The following SNX27 variants were observed in gnomAD, a reference collection of about 807,000 sequenced individuals.
SNX27 encodes sorting nexin-27.
SNX27 carries 22 observed loss-of-function variants against 71.6 expected under a neutral mutation model. The observed-to-expected ratio is 0.31, with a 90% CI of 0.22 to 0.44. The LOEUF (loss-of-function observed/expected upper bound fraction) is 0.44. Ranked by LOEUF, SNX27 falls within the 20% of genes least tolerant of loss-of-function variation. The pLI is 1.00. For missense variants in SNX27, 531 were observed against 698.6 expected (o/e 0.76, Z 2.70); for synonymous variants, 269 against 277.2 (o/e 0.97, Z 0.29).
rs1384108881 is a variant in SNX27 at position 151,662,151 on chromosome 1, T to C, written c.802-15T>C. On this transcript the variant is annotated splice_polypyrimidine_tract_variant and intron_variant, in intron 4 of 11. Transcript: ENST00000458013. The stretch of plus-strand genomic sequence containing the variant: ...TACTGGGCCATAAATTATTTCTCTA[T>C]GTCTTTTCCCCCAGAACTACAATGG... The C allele has an allele frequency of 1.1e-5, 17 of 1,590,890 alleles. No individual in the cohort carries two copies. Among genetic ancestry groups the C allele is most frequent in the African/African-American group, 1.3e-5 (1 of 74,366 alleles).
chr1:151,668,676 A>G lies in SNX27; in HGVS notation c.1149+41A>G, dbSNP rs372666102. On this transcript the variant is annotated intron_variant, in intron 7 of 11. Transcript: ENST00000458013. ...TTCTTGAAAGGCACAATTTCTTTTT[A>G]TGTTTGAATATAGTTGGTACTTTGC... 3.2e-5 allele frequency: 51 copies of G among 1,582,672 alleles called. No homozygotes were observed. In the Admixed American group the frequency reaches 5.0e-4, roughly 15 times the overall value.
chr1:151,652,212 G>GGGAGAA (rs1669435009), intron 2 of SNX27, among the ~76,000 whole-genome samples: 1 of 92,380 alleles, frequency 1.1e-5, no homozygotes, highest in Admixed American at 1.1e-4. Flanking sequence ...CGTGGGGAGA[G>GGGAGAA]GGAGAGGGAG....
intron 7 of SNX27, chr1:151,669,154 C>T (rs1222578834): frequency 6.6e-6 from 1 of 152,394 alleles, no homozygotes; most frequent in African/African-American, 2.4e-5. Context: ...CCAGCAGCAT[C>T]TCTTCATTTC....
chr1:151,692,479 C>T lies in SNX27; in HGVS notation c.1284C>T (p.Ile428=), dbSNP rs564922149. 1 of 1,345,178 alleles carries T rather than the reference C, an allele frequency of 7.4e-7. No homozygotes were observed. Among genetic ancestry groups the T allele is most frequent in the African/African-American group, 1.7e-5 (1 of 57,506 alleles). 83.3% of individuals were successfully genotyped at this position (1,345,178 alleles called of 1,614,324 possible). The change falls in exon 9 of 12, where the codon ATC becomes ATT. Residue 428 remains isoleucine, a synonymous_variant. Transcript: ENST00000458013. ...CTTGTGAGGGCTACAATGAAATCAT[C>T]TTTCCCCACTGTGCCTGTGACTCCA... The part of the protein sequence containing the change: ...LRTCEGYNEI[I]FPHCACDSRR...
At chr1:151,684,289 A>T (rs1450736776) in intron 8 of SNX27, among the ~76,000 whole-genome samples, 3 of 152,212 alleles carry the variant, frequency 2.0e-5, no homozygotes, top group Non-Finnish European at 4.4e-5. Flanking sequence ...ATTAAATGCA[A>T]TTTAAAATTC....
intron 2 of SNX27, among the ~76,000 whole-genome samples, chr1:151,646,993 C>G (rs773436182): frequency 6.6e-6 from 1 of 151,964 alleles, no homozygotes; most frequent in Non-Finnish European, 1.5e-5. Flanking sequence ...CATACATTGA[C>G]TTCTATATGT....
intron 1 of SNX27, among the ~76,000 whole-genome samples, chr1:151,632,300 G>A (rs1181809507): frequency 6.6e-6 from 1 of 151,960 alleles, no homozygotes; most frequent in Non-Finnish European, 1.5e-5. Context: ...TGGGATTACA[G>A]GCATGCGCCA....
At chr1:151,680,764 G>A (rs1232722186) in intron 7 of SNX27, among the ~76,000 whole-genome samples, 2 of 152,194 alleles carry the variant, frequency 1.3e-5, no homozygotes, top group African/African-American at 4.8e-5. Flanking sequence ...GGATAGACCA[G>A]TATTGTTTAT....
intron 8 of SNX27, among the ~76,000 whole-genome samples, chr1:151,691,551 A>G (rs1189004014): frequency 2.0e-5 from 3 of 148,338 alleles, no homozygotes; most frequent in Non-Finnish European, 4.5e-5. Context: ...GCTCACTGCA[A>G]CCTCTGCCTC....
At chr1:151,676,713 A>G (rs1670719008) in intron 7 of SNX27, 1 of 152,176 alleles carries the variant, frequency 6.6e-6, no homozygotes, top group Admixed American at 6.5e-5. Flanking sequence ...AGAGGACAAT[A>G]GCACACTTAT....
rs1671917700 is a variant in SNX27, at chr1:151,698,999, ACT to A, written c.*4585_*4586del. ...TTCATTCCTTGTTCTAGAGCTAACC[ACT>A]CTAAAATTGTTTGGTAATGTCACTT... is the stretch of plus-strand genomic sequence containing the variant. On this transcript the variant is annotated 3_prime_UTR_variant, in exon 12 of 12. Transcript: ENST00000458013. 6.6e-6 allele frequency: 1 copy of A among 152,534 alleles called. No homozygotes were observed. The highest frequency in any genetic ancestry group is 1.5e-5 in the Non-Finnish European group (1 of 68,012). The allele number at this position is 152,534 out of a possible 1,614,324, so 9.4% of individuals were successfully genotyped here.
At chr1:151,656,566 T>G (rs963742687) in intron 2 of SNX27, among the ~76,000 whole-genome samples, 4 of 152,246 alleles carry the variant, frequency 2.6e-5, no homozygotes, top group Admixed American at 1.3e-4. Context: ...CATTTCGGCA[T>G]TATCTCCTGA....
At chr1:151,625,134 G>T (rs1667862932) in intron 1 of SNX27, among the ~76,000 whole-genome samples, 1 of 152,098 alleles carries the variant, frequency 6.6e-6, no homozygotes, top group Admixed American at 6.5e-5. Context: ...CAGTTTCTCA[G>T]CTTTGCCAGG....
intron 7 of SNX27, chr1:151,669,050 GT>G (rs1203277350): frequency 6.5e-6 from 1 of 153,166 alleles, no homozygotes; most frequent in African/African-American, 2.4e-5. Context: ...TTTAGCTCTT[GT>G]TTTTTATTGG....
Position 151,694,538 on chromosome 1 carries a change from A to G in SNX27, c.*121A>G. 1 of 994,966 alleles carries G rather than the reference A, an allele frequency of 1.0e-6. No individual in the cohort carries two copies. The highest frequency in any genetic ancestry group is 1.7e-5 in the African/African-American group (1 of 59,834). 61.6% of individuals were successfully genotyped at this position (994,966 alleles called of 1,614,324 possible). A position where few individuals can be genotyped will look rare whatever the true frequency, so the allele number is the denominator to read the frequency against. On this transcript the variant is annotated 3_prime_UTR_variant, in exon 12 of 12. Coordinates refer to ENST00000458013, the MANE Select transcript of SNX27 (RefSeq NM_001330723.2). ...AAAAGTTAAAGTCGTTATATTCAAA[A>G]GCCCTAAACTAAATATTATTAATAA... is the stretch of plus-strand genomic sequence containing the variant.
At chr1:151,644,666 T>C (rs1668952976) in intron 2 of SNX27, among the ~76,000 whole-genome samples, 3 of 152,206 alleles carry the variant, frequency 2.0e-5, no homozygotes, top group Admixed American at 2.0e-4. Flanking sequence ...ATGGTAACTC[T>C]TTAGGTTTAA....
At chr1:151,651,499 G>T (rs1176319518) in intron 2 of SNX27, among the ~76,000 whole-genome samples, 4 of 149,944 alleles carry the variant, frequency 2.7e-5, no homozygotes, top group Non-Finnish European at 4.5e-5. Context: ...GCGGTTGCCG[G>T]GCAGAGGGTC....
At chr1:151,635,319 T>C (rs1291326004) in intron 1 of SNX27, among the ~76,000 whole-genome samples, 1 of 152,212 alleles carries the variant, frequency 6.6e-6, no homozygotes, top group Non-Finnish European at 1.5e-5. Context: ...AAAATTGAGA[T>C]TTAATGAGAT....
chr1:151,650,614 TA>T (rs1669280366), intron 2 of SNX27, among the ~76,000 whole-genome samples: 1 of 152,178 alleles, frequency 6.6e-6, no homozygotes, highest in Non-Finnish European at 1.5e-5. Flanking sequence ...AAAATTTATT[TA>T]TTTTTTATTG....
Sources: allele counts gnomAD v4.1 joint callset (sites outside exome capture counted in the v4.1 genomes callset), GRCh38; gene constraint gnomAD v4.1.1; transcripts MANE v1.5; gene names NCBI Gene and HGNC (gene_info 2026-07-23, HGNC 2026-07-21).